The following PTPRD variants were observed in gnomAD, a reference collection of about 807,000 sequenced individuals.
PTPRD encodes receptor-type tyrosine-protein phosphatase delta.
PTPRD carries 34 observed loss-of-function variants against 214.5 expected under a neutral mutation model. The observed-to-expected ratio is 0.16, with a 90% CI of 0.12 to 0.21. The LOEUF (loss-of-function observed/expected upper bound fraction) is 0.21. Ranked by LOEUF, PTPRD falls within the 10% of genes least tolerant of loss-of-function variation. The probability of loss-of-function intolerance (pLI) is 1.00; values close to 1 mark genes in which losing one functional copy is unlikely to be tolerated. For synonymous variants in PTPRD, 1,128 were observed against 845.7 expected, an observed-to-expected ratio of 1.33 and a Z score of -5.79; for missense variants, 2,545 against 2,398.7, an observed-to-expected ratio of 1.06 and a Z score of -1.27.
intron 2 of PTPRD, among the ~76,000 whole-genome samples, chr9:10,562,198 C>T (rs1590966456): frequency 6.6e-6 from 1 of 152,138 alleles, no homozygotes; most frequent in South Asian, 2.1e-4. Context: ...ATATAAATCA[C>T]TCTGCCAAGT....
chr9:9,441,024 T>C (rs2087481033), intron 8 of PTPRD, among the ~76,000 whole-genome samples: 1 of 152,220 alleles, frequency 6.6e-6, no homozygotes, highest in African/African-American at 2.4e-5. Context: ...AAATGTCCTG[T>C]GAGACTTCCC....
chr9:9,929,884 T>C (rs2085783568), intron 5 of PTPRD, among the ~76,000 whole-genome samples: 1 of 152,228 alleles, frequency 6.6e-6, no homozygotes. Flanking sequence ...TGGTCTGTTT[T>C]CTTTTGCCAT....
At chr9:8,731,034 G>T (rs965261836) in intron 12 of PTPRD, among the ~76,000 whole-genome samples, 1 of 152,186 alleles carries the variant, frequency 6.6e-6, no homozygotes, top group Non-Finnish European at 1.5e-5. Flanking sequence ...CAATGGCAAA[G>T]ACTATAATTT....
chr9:8,545,891 A>T (rs1048261828), intron 14 of PTPRD, among the ~76,000 whole-genome samples: 1 of 152,224 alleles, frequency 6.6e-6, no homozygotes, highest in Non-Finnish European at 1.5e-5. Flanking sequence ...TTCAAGAAGA[A>T]ATCCAACAAA....
At chr9:8,595,904 C>G (rs368422482) in intron 14 of PTPRD, among the ~76,000 whole-genome samples, 1 of 152,232 alleles carries the variant, frequency 6.6e-6, no homozygotes, top group East Asian at 1.9e-4. Flanking sequence ...AGACACTTAT[C>G]TTAGTTACCC....
At chr9:10,299,696 C>A (rs888120256) in intron 3 of PTPRD, among the ~76,000 whole-genome samples, 4 of 152,146 alleles carry the variant, frequency 2.6e-5, no homozygotes, top group African/African-American at 9.7e-5. Flanking sequence ...GGAGTCACTA[C>A]AGGTCATAAC....
chr9:9,547,935 T>C (rs139599142), intron 8 of PTPRD, among the ~76,000 whole-genome samples: 127 of 151,692 alleles, frequency 8.4e-4, no homozygotes, highest in Non-Finnish European at 1.6e-4. Flanking sequence ...AAGAGAACAA[T>C]GATAGGAATT....
intron 12 of PTPRD, chr9:8,713,969 G>C: frequency 1.6e-6 from 1 of 609,560 alleles, no homozygotes; most frequent in South Asian, 2.0e-5. Context: ...GCCTGACCTT[G>C]GTACACAGTG....
chr9:10,515,148 A>G (rs2049613706), intron 2 of PTPRD, among the ~76,000 whole-genome samples: 1 of 152,038 alleles, frequency 6.6e-6, no homozygotes, highest in South Asian at 2.1e-4. Flanking sequence ...GACAAAAGCC[A>G]GTTTCCCATA....
At chr9:9,921,068 T>C (rs2082409814) in intron 5 of PTPRD, among the ~76,000 whole-genome samples, 1 of 152,080 alleles carries the variant, frequency 6.6e-6, no homozygotes, top group African/African-American at 2.4e-5. Context: ...CCTTTTACAG[T>C]TCAATTTCTC....
At chr9:8,668,716 G>A (rs1449365523) in intron 12 of PTPRD, among the ~76,000 whole-genome samples, 1 of 152,172 alleles carries the variant, frequency 6.6e-6, no homozygotes, top group Non-Finnish European at 1.5e-5. Context: ...ACTGTGTTAA[G>A]TGATTCATAA....
chr9:10,294,167 C>T (rs1245938928), intron 3 of PTPRD, among the ~76,000 whole-genome samples: 1 of 151,796 alleles, frequency 6.6e-6, no homozygotes, highest in African/African-American at 2.4e-5. Context: ...GTAAACACTG[C>T]CCAAAAACCT....
intron 3 of PTPRD, among the ~76,000 whole-genome samples, chr9:10,125,113 G>A (rs1009219087): frequency 1.3e-5 from 2 of 152,164 alleles, no homozygotes; most frequent in Admixed American, 1.3e-4. Context: ...TGATAAATAT[G>A]CTGATGATTT....
chr9:10,470,203 T>C (rs1486089891), intron 2 of PTPRD, among the ~76,000 whole-genome samples: 4 of 152,108 alleles, frequency 2.6e-5, no homozygotes, highest in African/African-American at 4.8e-5. Context: ...ACATTATATG[T>C]TTGTATCAAA....
rs893750992 is a variant in PTPRD at position 9,687,368 on chromosome 9, C to A, written c.-287+47165G>T. 8.6e-5 allele frequency among the ~76,000 whole-genome samples: 13 copies of A among 151,816 alleles called. No individual in the cohort carries two copies. In the East Asian group the frequency reaches 2.5e-3, roughly 30 times the overall value. On this transcript the variant is annotated intron_variant, in intron 7 of 45. Transcript: ENST00000381196. ...ATAAGTGGAGCTCCCTTTGTGGAAGCCTTCATAAGGGAGGTTTTATCCTCT... is the reference window on the plus strand; with the variant it reads ...ATAAGTGGAGCTCCCTTTGTGGAAGACTTCATAAGGGAGGTTTTATCCTCT...
chr9:8,398,366 G>A (rs72691052), intron 36 of PTPRD, among the ~76,000 whole-genome samples: 6,028 of 152,142 alleles, frequency 0.04, 123 homozygotes, highest in South Asian at 0.091. Flanking sequence ...CTTCGGATGC[G>A]TTATCAGGAA....
Position 8,338,887 on chromosome 9 carries a change from C to T in PTPRD, c.5379+35G>A, listed in dbSNP as rs767521821. 4 of 1,368,772 alleles carry T rather than the reference C, an allele frequency of 2.9e-6. No homozygotes were observed. The South Asian group carries it at 3.8e-5, about 13-fold the overall frequency. 84.8% of individuals were successfully genotyped at this position (1,368,772 alleles called of 1,614,324 possible). On this transcript the variant is annotated intron_variant, in intron 43 of 45. Coordinates refer to ENST00000381196, the MANE Select transcript of PTPRD (RefSeq NM_002839.4). ...AGAGGTATCTTAGACTACTTTTCAG[C>T]TAATGGTTAAGAGTTGAAGACTGTG...
chr9:9,116,090 A>T (rs2099812104), intron 10 of PTPRD, among the ~76,000 whole-genome samples: 1 of 152,054 alleles, frequency 6.6e-6, no homozygotes, highest in Non-Finnish European at 1.5e-5. Context: ...AGGGTTGAAA[A>T]ATGACCTATT....
chr9:10,538,888 C>G (rs922489029), intron 2 of PTPRD, among the ~76,000 whole-genome samples: 2 of 152,184 alleles, frequency 1.3e-5, no homozygotes, highest in Admixed American at 6.5e-5. Context: ...GCTGCTTCTA[C>G]CTTATTTTCT....
Sources: allele counts gnomAD v4.1 joint callset (sites outside exome capture counted in the v4.1 genomes callset), GRCh38; gene constraint gnomAD v4.1.1; transcripts MANE v1.5; gene names NCBI Gene and HGNC (gene_info 2026-07-23, HGNC 2026-07-21).